The following PTPRD variants were observed in gnomAD, a reference collection of about 807,000 sequenced individuals.
PTPRD encodes the protein protein tyrosine phosphatase receptor type D.
Under a neutral mutation model 214.5 loss-of-function variants are expected in PTPRD, and 34 were observed. The ratio of observed to expected loss-of-function variants is 0.16; its 90% confidence interval spans 0.12 to 0.21. PTPRD has a LOEUF of 0.21. Ranked by LOEUF, PTPRD falls within the 10% of genes least tolerant of loss-of-function variation. The pLI, the probability that PTPRD is intolerant of heterozygous loss-of-function variation, is 1.00. For synonymous variants in PTPRD, 1,128 were observed against 845.7 expected, an observed-to-expected ratio of 1.33 and a Z score of -5.79; for missense variants, 2,545 against 2,398.7, an observed-to-expected ratio of 1.06 and a Z score of -1.27.
At chr9:9,148,750 C>T (rs939317925) in intron 10 of PTPRD, among the ~76,000 whole-genome samples, 2 of 152,090 alleles carry the variant, frequency 1.3e-5, no homozygotes, top group Non-Finnish European at 1.5e-5. Context: ...TCTAAGACAA[C>T]GAATAGCTCA....
At chr9:10,278,909 G>A (rs562645955) in intron 3 of PTPRD, among the ~76,000 whole-genome samples, 1 of 152,084 alleles carries the variant, frequency 6.6e-6, no homozygotes, top group Non-Finnish European at 1.5e-5. Flanking sequence ...CGAGTAGCTG[G>A]GACTACAGGC....
intron 2 of PTPRD, among the ~76,000 whole-genome samples, chr9:10,536,350 G>A (rs1357692012): frequency 6.6e-6 from 1 of 152,038 alleles, no homozygotes. Context: ...TCTAATTTCT[G>A]CCTTAAAGCT....
At chr9:9,780,720 G>C (rs1019047951) in intron 5 of PTPRD, among the ~76,000 whole-genome samples, 2 of 152,170 alleles carry the variant, frequency 1.3e-5, no homozygotes, top group African/African-American at 4.8e-5. Flanking sequence ...GTCCTGACAA[G>C]AACCTGTGCA....
chr9:10,264,983 G>C (rs1331483827), intron 3 of PTPRD, among the ~76,000 whole-genome samples: 1 of 152,064 alleles, frequency 6.6e-6, no homozygotes, highest in Non-Finnish European at 1.5e-5. Flanking sequence ...ATTCTCTCTT[G>C]CCTGACACCA....
At chr9:8,640,660 G>A (rs968996792) in intron 12 of PTPRD, among the ~76,000 whole-genome samples, 5 of 147,936 alleles carry the variant, frequency 3.4e-5, no homozygotes, top group African/African-American at 1.2e-4. Context: ...TAATTTCAGG[G>A]GCTTTTACAG....
chr9:9,092,501 G>A lies in PTPRD; in HGVS notation c.-142-73766C>T, dbSNP rs563627978. On this transcript the variant is annotated intron_variant, in intron 10 of 45. Coordinates refer to ENST00000381196, the MANE Select transcript of PTPRD (RefSeq NM_002839.4). Reference sequence around the variant, plus strand: ...GACAAGGGAAGTGTATTCATAAAGTGAATAAATAAGATGTGATTTACAAAT... The same window carrying A: ...GACAAGGGAAGTGTATTCATAAAGTAAATAAATAAGATGTGATTTACAAAT... Among the ~76,000 whole-genome samples the A allele has an allele frequency of 2.0e-5, 3 of 152,030 alleles. No homozygotes were observed. The South Asian group carries it at 6.2e-4, about 32-fold the overall frequency.
chr9:9,208,912 A>G (rs900778607), intron 9 of PTPRD, among the ~76,000 whole-genome samples: 8 of 151,668 alleles, frequency 5.3e-5, no homozygotes, highest in Non-Finnish European at 1.0e-4. Context: ...GGTTCACGCC[A>G]TTCTCTTGCC....
At position 9,980,608 on chromosome 9, in the gene PTPRD, C is replaced by CAAAA. The variant is rs750547585; in HGVS notation, c.-471-42002_-471-41999dup. ...TGGGTAACAGAGTGAGACACCTTGT[C>CAAAA]AAAAAAAAACAAAAAAAAAAAAAAA... On this transcript the variant is annotated intron_variant, in intron 4 of 45. Transcript: ENST00000381196. Among the ~76,000 whole-genome samples the CAAAA allele has an allele frequency of 2.4e-3, 26 of 10,858 alleles. 6 individuals are homozygous for CAAAA. The highest frequency in any genetic ancestry group is 5.8e-3 in the African/African-American group (16 of 2,760). The allele number at this position is 10,858 out of a possible 152,430, so 7.1% of individuals were successfully genotyped here.
At chr9:10,431,171 A>G (rs1188184198) in intron 2 of PTPRD, among the ~76,000 whole-genome samples, 1 of 151,872 alleles carries the variant, frequency 6.6e-6, no homozygotes, top group South Asian at 2.1e-4. Context: ...TTATTTTCTT[A>G]TTTTCCTAAA....
At chr9:9,271,817 T>C (rs1275515521) in intron 9 of PTPRD, among the ~76,000 whole-genome samples, 1 of 151,440 alleles carries the variant, frequency 6.6e-6, no homozygotes, top group African/African-American at 2.4e-5. Context: ...TTACTTCTTC[T>C]ATTATATTCA....
At chr9:10,152,958 T>G (rs1256951306) in intron 3 of PTPRD, among the ~76,000 whole-genome samples, 2 of 152,122 alleles carry the variant, frequency 1.3e-5, no homozygotes, top group African/African-American at 4.8e-5. Flanking sequence ...ATCTGTGGAA[T>G]ATAAAACATT....
intron 14 of PTPRD, among the ~76,000 whole-genome samples, chr9:8,544,690 G>C (rs970238063): frequency 1.3e-5 from 2 of 149,080 alleles, no homozygotes; most frequent in African/African-American, 4.9e-5. Context: ...GGCTGATCTG[G>C]AACTCCCGAA....
chr9:9,482,424 G>T (rs2095454733), intron 8 of PTPRD, among the ~76,000 whole-genome samples: 1 of 152,228 alleles, frequency 6.6e-6, no homozygotes, highest in Admixed American at 6.5e-5. Flanking sequence ...ACAGCAAAAT[G>T]GGGTAGAACG....
chr9:9,696,398 G>A (rs544419838), intron 7 of PTPRD, among the ~76,000 whole-genome samples: 1 of 152,138 alleles, frequency 6.6e-6, no homozygotes, highest in African/African-American at 2.4e-5. Flanking sequence ...TGCGAGAGAG[G>A]TGTTGAAGTC....
rs551798379 is a variant in PTPRD at position 8,330,863 on chromosome 9, A to G, written c.5534+719T>C. Among the ~76,000 whole-genome samples, 1,174 of 152,254 alleles carry G rather than the reference A, an allele frequency of 7.7e-3. 18 individuals are homozygous for G. The highest frequency in any genetic ancestry group is 0.026 in the African/African-American group (1,077 of 41,550). ...CTCTCTCAAGAGTTTCACCATAAAA[A>G]GATTAGATGTCAAGTTGCCAGAACC... is the stretch of plus-strand genomic sequence containing the variant. On this transcript the variant is annotated intron_variant, in intron 44 of 45. Transcript: ENST00000381196.
At chr9:10,404,395 C>T (rs1363451081) in intron 2 of PTPRD, among the ~76,000 whole-genome samples, 1 of 151,488 alleles carries the variant, frequency 6.6e-6, no homozygotes, top group Non-Finnish European at 1.5e-5. Flanking sequence ...AGTTAAGAAC[C>T]CCTGCAGAGA....
chr9:9,134,133 C>T (rs1019483124), intron 10 of PTPRD, among the ~76,000 whole-genome samples: 3 of 127,398 alleles, frequency 2.4e-5, no homozygotes, highest in Non-Finnish European at 4.6e-5. Context: ...ACTGCAGTGG[C>T]GCAATCTCGG....
chr9:8,989,406 T>A (rs2099357712), intron 11 of PTPRD, among the ~76,000 whole-genome samples: 1 of 152,044 alleles, frequency 6.6e-6, no homozygotes, highest in South Asian at 2.1e-4. Context: ...ATCTATTCTC[T>A]ATCTCTATGA....
intron 3 of PTPRD, among the ~76,000 whole-genome samples, chr9:10,331,447 C>T (rs2154434565): frequency 6.6e-6 from 1 of 151,986 alleles, no homozygotes; most frequent in Non-Finnish European, 1.5e-5. Flanking sequence ...CAAACCATTT[C>T]CCCATTCCCT....
Sources: allele counts gnomAD v4.1 joint callset (sites outside exome capture counted in the v4.1 genomes callset), GRCh38; gene constraint gnomAD v4.1.1; transcripts MANE v1.5; gene names NCBI Gene and HGNC (gene_info 2026-07-23, HGNC 2026-07-21).